ATL3: variants seen among roughly 807,000 people sequenced by gnomAD.
The protein encoded by ATL3 is atlastin GTPase 3.
In ATL3, 49 loss-of-function variants were observed where a neutral mutation model predicts 69.5. The observed-to-expected ratio is 0.71, with a 90% CI of 0.56 to 0.89. The LOEUF (loss-of-function observed/expected upper bound fraction) is 0.89. Among genes scored for constraint, ATL3 ranks in the 40% least tolerant of loss-of-function variants. The pLI is 0.00. For synonymous variants in ATL3, 214 were observed against 224.1 expected (o/e 0.95, Z 0.40); for missense variants, 606 against 645.7 (o/e 0.94, Z 0.67).
intron 1 of ATL3, among the ~76,000 whole-genome samples, chr11:63,666,528 T>C (rs919045709): frequency 1.3e-5 from 2 of 152,008 alleles, no homozygotes; most frequent in Non-Finnish European, 2.9e-5. Context: ...CCTGGGCATG[T>C]CTAGTTTTCA....
chr11:63,641,209 T>G (rs1468883322), intron 8 of ATL3, among the ~76,000 whole-genome samples: 1 of 152,198 alleles, frequency 6.6e-6, no homozygotes, highest in African/African-American at 2.4e-5. Context: ...AACCAAATAG[T>G]ACATAATTAT....
At chr11:63,634,257 A>C (rs991380129) in intron 10 of ATL3, among the ~76,000 whole-genome samples, 5 of 151,912 alleles carry the variant, frequency 3.3e-5, no homozygotes, top group African/African-American at 1.2e-4. Context: ...CTGTAATCCC[A>C]GCACTTTGGG....
At position 63,652,551 on chromosome 11, in the gene ATL3, G is replaced by A. The variant is rs1319186464; in HGVS notation, c.430C>T (p.Gln144Ter). ...GTTGACTGGCTGTCAAATGCCCCCT[G>A]GGTATCCATCAGAACAACTGCAACC... The part of the protein sequence containing the change: ...KKVAVVLMDT[Q>*]GAFDSQSTVK... Residue 144 changes from glutamine (Q) to a stop codon, truncating the protein, a stop_gained, in exon 4 of 13, where the codon CAG (glutamine) becomes TAG (stop). Coordinates refer to ENST00000398868, the MANE Select transcript of ATL3 (RefSeq NM_015459.5). LOFTEE classifies it high-confidence loss of function. The A allele has an allele frequency of 6.2e-7, 1 of 1,610,756 alleles. No individual in the cohort carries two copies. The highest frequency in any genetic ancestry group is 8.5e-7 in the Non-Finnish European group (1 of 1,177,922).
In ATL3 at chr11:63,646,514, G is replaced by C. The variant is rs1279500469; in HGVS notation, c.611C>G (p.Pro204Arg). 6.3e-7 allele frequency: 1 copy of C among 1,585,504 alleles called. No homozygotes were observed. Among genetic ancestry groups the C allele is most frequent in the Admixed American group, 1.7e-5 (1 of 58,530 alleles). ...RLAMDEIFQK[P>R]FQTLMFLVRD... The stretch of plus-strand genomic sequence containing the variant: ...TAAAATAAATATTCTAACCTGGAAA[G>C]GCTTTTGGAAAATTTCATCCATTGC... The change falls in exon 6 of 13, where the codon CCT (proline) becomes CGT (arginine). Residue 204 changes from proline to arginine, a missense_variant. By Grantham distance (103) the Pro-to-Arg change is moderately radical (BLOSUM62 -2). Coordinates refer to ENST00000398868, the MANE Select transcript of ATL3 (RefSeq NM_015459.5).
intron 10 of ATL3, 104 bp downstream of exon 10, chr11:63,635,430 A>G (rs1024093941): frequency 4.9e-6 from 5 of 1,013,184 alleles, no homozygotes; most frequent in Non-Finnish European, 7.4e-6. Context: ...GCATGATGAA[A>G]AAGGAGAAAA....
chr11:63,659,047 T>C lies in ATL3; in HGVS notation c.252A>G (p.Leu84=), dbSNP rs1279186903. ...SFILDFMLRY[L]YSQKESGHSN... ...AATAATTCTATCTTACCTGAGAATA[T>C]AAGTATCGTAGCATAAAATCCAGAA... Residue 84 remains leucine (L), a synonymous_variant, in exon 2 of 13, where the codon TTA becomes TTG. Coordinates refer to ENST00000398868, the MANE Select transcript of ATL3 (RefSeq NM_015459.5). 2 of 1,614,080 alleles carry C rather than the reference T, an allele frequency of 1.2e-6. No individual in the cohort carries two copies. The highest frequency in any genetic ancestry group is 1.7e-6 in the Non-Finnish European group (2 of 1,179,950).
At position 63,629,174 on chromosome 11, in the gene ATL3, G is replaced by T. The variant is rs1939219729; in HGVS notation, c.*145C>A. 2 of 639,638 alleles carry T rather than the reference G, an allele frequency of 3.1e-6. No individual in the cohort carries two copies. The highest frequency in any genetic ancestry group is 5.6e-6 in the Non-Finnish European group (2 of 354,044). The allele number at this position is 639,638 out of a possible 1,614,324, so 39.6% of individuals were successfully genotyped here. On this transcript the variant is annotated 3_prime_UTR_variant, in exon 13 of 13. Coordinates refer to ENST00000398868, the MANE Select transcript of ATL3 (RefSeq NM_015459.5). ...TAATTTGAAACCACAGGAGAGGTCT[G>T]CTCATTTATTACAGGGCCATGTTTT... is the stretch of plus-strand genomic sequence containing the variant.
rs765267191 is a variant in ATL3 at position 63,632,844 on chromosome 11, G to GAACA, written c.1107+178_1107+181dup. On this transcript the variant is annotated intron_variant, in intron 11 of 12. Coordinates refer to ENST00000398868, the MANE Select transcript of ATL3 (RefSeq NM_015459.5). ...TTCAAAACAAAACAAAACAAAACAA[G>GAACA]AACAAACAAACAAACAAAGAAATGG... is the stretch of plus-strand genomic sequence containing the variant. 2.8e-5 allele frequency: 20 copies of GAACA among 724,126 alleles called. No homozygotes were observed. The East Asian group carries it at 3.9e-4, about 14-fold the overall frequency. 44.9% of individuals were successfully genotyped at this position (724,126 alleles called of 1,614,324 possible).
intron 1 of ATL3, among the ~76,000 whole-genome samples, chr11:63,662,484 CTGTT>C (rs903994978): frequency 6.6e-6 from 1 of 152,026 alleles, no homozygotes; most frequent in Non-Finnish European, 1.5e-5. Flanking sequence ...TTTAAGAAGT[CTGTT>C]TATTTATTTA....
intron 1 of ATL3, among the ~76,000 whole-genome samples, chr11:63,662,861 A>G (rs767483199): frequency 6.6e-6 from 1 of 152,034 alleles, no homozygotes; most frequent in East Asian, 1.9e-4. Flanking sequence ...ACAGCGACAC[A>G]GTACCCAGCC....
rs371188952 is a variant in ATL3 at position 63,636,392 on chromosome 11, G to A, written c.851-58C>T. 11 of 1,606,680 alleles carry A rather than the reference G, an allele frequency of 6.8e-6. No individual in the cohort carries two copies. The South Asian group carries it at 8.8e-5, about 13-fold the overall frequency. The stretch of plus-strand genomic sequence containing the variant: ...AGCCAAACAGCCTTATTCAACCAAG[G>A]TGAACACACAATGCAGTCTTCCCAG... On this transcript the variant is annotated intron_variant, in intron 8 of 12. Transcript: ENST00000398868.
chr11:63,638,738 A>C (rs546506168), intron 8 of ATL3, among the ~76,000 whole-genome samples: 5 of 152,166 alleles, frequency 3.3e-5, no homozygotes, highest in East Asian at 1.9e-4. Flanking sequence ...AAAAAAAAAA[A>C]AACTCAGCAG....
intron 10 of ATL3, among the ~76,000 whole-genome samples, chr11:63,633,753 G>A (rs1460621978): frequency 4.0e-5 from 6 of 151,160 alleles, no homozygotes; most frequent in Admixed American, 2.6e-4. Flanking sequence ...AAGGTTGGGC[G>A]TGGTGGCTCA....
intron 1 of ATL3, among the ~76,000 whole-genome samples, chr11:63,668,395 T>G (rs1363307166): frequency 6.6e-6 from 1 of 152,216 alleles, no homozygotes; most frequent in Non-Finnish European, 1.5e-5. Context: ...CCGTTTTGTC[T>G]TAAGGCAGTG....
Position 63,659,224 on chromosome 11 carries a change from A to T in ATL3, c.75T>A (p.Gly25=), listed in dbSNP as rs761736019. ...TCTGAACCAAAACAACCTGCACTGGACCAGGCTTGCTGCTCTCCATGGCAT... is the reference window on the plus strand; with the variant it reads ...TCTGAACCAAAACAACCTGCACTGGTCCAGGCTTGCTGCTCTCCATGGCAT... ...ADDAMESSKP[G]PVQVVLVQKD... The change falls in exon 2 of 13, where the codon GGT becomes GGA. Residue 25 remains glycine (G), a synonymous_variant. Coordinates refer to ENST00000398868, the MANE Select transcript of ATL3 (RefSeq NM_015459.5). 6.2e-7 allele frequency: 1 copy of T among 1,614,174 alleles called. No individual in the cohort carries two copies. The highest frequency in any genetic ancestry group is 1.1e-5 in the South Asian group (1 of 91,082).
chr11:63,634,058 A>AG (rs1435958657), intron 10 of ATL3, among the ~76,000 whole-genome samples: 1 of 144,046 alleles, frequency 6.9e-6, no homozygotes, highest in African/African-American at 2.6e-5. Flanking sequence ...AAAAAAAAAA[A>AG]GGAAAAAGCC....
intron 1 of ATL3, among the ~76,000 whole-genome samples, chr11:63,663,309 G>A (rs1290467201): frequency 6.6e-6 from 1 of 151,938 alleles, no homozygotes; most frequent in Non-Finnish European, 1.5e-5. Context: ...TTGTAGAGAT[G>A]GGGGTCTCAT....
chr11:63,671,682 C>G (rs900089487), upstream of ATL3: 1 of 1,339,500 alleles, frequency 7.5e-7, no homozygotes, highest in African/African-American at 1.5e-5. Flanking sequence ...AATTGTAGTC[C>G]CGCGCTCACT....
chr11:63,652,073 A>G, intron 4 of ATL3, 87 bp from the exon 5 acceptor site: 1 of 1,517,160 alleles, frequency 6.6e-7, no homozygotes. Context: ...GAAGCTTTGA[A>G]CAATTAAAGA....
Sources: gnomAD v4.1 joint callset for allele counts (sites outside exome capture counted in the v4.1 genomes callset) on GRCh38, gnomAD v4.1.1 for gene constraint, MANE v1.5 for transcripts, NCBI Gene and HGNC (gene_info 2026-07-23, HGNC 2026-07-21) for gene names.